Variants in EPHB1 observed in about 807,000 individuals in gnomAD.
EPHB1 encodes EPH receptor B1, also known as ephrin type-B receptor 1.
A neutral mutation model predicts 94.4 loss-of-function variants in EPHB1; 30 were observed. The observed-to-expected ratio is 0.32, with a 90% CI of 0.24 to 0.43. The LOEUF is 0.43. EPHB1 is among the 20% of genes least tolerant of loss of function. The pLI is 1.00. For missense variants in EPHB1, 1,055 were observed against 1,308.3 expected, an observed-to-expected ratio of 0.81 and a Z score of 2.99; for synonymous variants, 522 against 489.1, an observed-to-expected ratio of 1.07 and a Z score of -0.89.
At chr3:135,174,681 T>G (rs1222889757) in intron 9 of EPHB1, among the ~76,000 whole-genome samples, 2 of 152,190 alleles carry the variant, frequency 1.3e-5, no homozygotes, top group Non-Finnish European at 2.9e-5. Flanking sequence ...AAAGGGTTGA[T>G]CAACATACTG....
intron 13 of EPHB1, among the ~76,000 whole-genome samples, chr3:135,241,988 G>A (rs989942698): frequency 6.6e-6 from 1 of 152,164 alleles, no homozygotes; most frequent in African/African-American, 2.4e-5. Context: ...AGGAAGAGAT[G>A]GGTCATCTAA....
At chr3:135,037,953 C>CT (rs1157949367) in intron 3 of EPHB1, among the ~76,000 whole-genome samples, 2 of 152,200 alleles carry the variant, frequency 1.3e-5, no homozygotes, top group Non-Finnish European at 2.9e-5. Flanking sequence ...AGGCTCTACC[C>CT]TTTTCTTATC....
intron 6 of EPHB1, among the ~76,000 whole-genome samples, chr3:135,158,662 C>T (rs1190589037): frequency 6.6e-6 from 1 of 152,180 alleles, no homozygotes; most frequent in Admixed American, 6.5e-5. Context: ...TGCCATCAAG[C>T]TGATGACACT....
At chr3:135,201,375 G>A (rs1415565799) in intron 11 of EPHB1, 99 bp from the exon 12 acceptor site, 21 of 1,225,650 alleles carry the variant, frequency 1.7e-5, no homozygotes, top group Non-Finnish European at 2.4e-5. Context: ...TTGGCCTGGA[G>A]CAGACAGAAG....
intron 3 of EPHB1, among the ~76,000 whole-genome samples, chr3:135,086,268 G>A (rs532884752): frequency 1.3e-5 from 2 of 151,726 alleles, no homozygotes; most frequent in South Asian, 4.2e-4. Context: ...ACCTCTGACG[G>A]TGGGATGGAG....
intron 1 of EPHB1, among the ~76,000 whole-genome samples, chr3:134,906,324 A>G: frequency 6.6e-6 from 1 of 152,256 alleles, no homozygotes; most frequent in Middle Eastern, 3.4e-3. Flanking sequence ...TATAAATTTT[A>G]TTTAATTTTA....
chr3:134,911,538 T>C (rs1470697472), intron 1 of EPHB1, among the ~76,000 whole-genome samples: 5 of 152,206 alleles, frequency 3.3e-5, no homozygotes, highest in Middle Eastern at 3.4e-3. Flanking sequence ...GGGGCTGCAG[T>C]AGGCCAGCCT....
intron 3 of EPHB1, among the ~76,000 whole-genome samples, chr3:134,970,428 C>T (rs894466771): frequency 6.6e-6 from 1 of 152,224 alleles, no homozygotes; most frequent in African/African-American, 2.4e-5. Flanking sequence ...ACCCTGTCCA[C>T]TGCTCCCAGT....
intron 3 of EPHB1, among the ~76,000 whole-genome samples, chr3:135,071,431 C>T (rs574974326): frequency 2.2e-4 from 33 of 152,270 alleles, no homozygotes; most frequent in East Asian, 3.9e-4. Context: ...CAAAAACAAA[C>T]GTAGGAGTTG....
At chr3:135,146,452 A>C (rs1447087917) in intron 5 of EPHB1, among the ~76,000 whole-genome samples, 1 of 152,240 alleles carries the variant, frequency 6.6e-6, no homozygotes, top group African/African-American at 2.4e-5. Context: ...AGGCAGTGGC[A>C]GGGCCATGGG....
intron 3 of EPHB1, among the ~76,000 whole-genome samples, chr3:135,040,877 G>A (rs898040290): frequency 1.3e-5 from 2 of 152,196 alleles, no homozygotes; most frequent in African/African-American, 4.8e-5. Context: ...AAATCCGCCT[G>A]AATCCTCCTG....
intron 12 of EPHB1, among the ~76,000 whole-genome samples, chr3:135,215,822 C>T (rs943166111): frequency 5.9e-5 from 9 of 152,166 alleles, no homozygotes; most frequent in Non-Finnish European, 1.3e-4. Flanking sequence ...CTGCATGTCA[C>T]GTGAGTTCCC....
intron 5 of EPHB1, among the ~76,000 whole-genome samples, chr3:135,145,673 TG>T (rs1226274950): frequency 1.3e-5 from 2 of 152,168 alleles, no homozygotes; most frequent in Non-Finnish European, 2.9e-5. Flanking sequence ...CCCAGTGAGA[TG>T]GGGAGGGACC....
chr3:135,224,795 G>C (rs1312097165), intron 12 of EPHB1, among the ~76,000 whole-genome samples: 2 of 152,188 alleles, frequency 1.3e-5, no homozygotes, highest in East Asian at 1.9e-4. Context: ...CCATAATCCA[G>C]TCAAATGTTC....
At chr3:135,007,693 C>T (rs778353047) in intron 3 of EPHB1, among the ~76,000 whole-genome samples, 3 of 152,186 alleles carry the variant, frequency 2.0e-5, no homozygotes, top group Non-Finnish European at 2.9e-5. Context: ...TACATTTGTC[C>T]TGTATAAAGA....
intron 3 of EPHB1, among the ~76,000 whole-genome samples, chr3:135,047,046 G>A (rs754532203): frequency 2.6e-5 from 4 of 152,200 alleles, no homozygotes; most frequent in Non-Finnish European, 5.9e-5. Context: ...AGCTGAGGAG[G>A]ATAGTGTGTG....
intron 1 of EPHB1, among the ~76,000 whole-genome samples, chr3:134,830,500 C>T (rs2036562480): frequency 6.6e-6 from 1 of 151,826 alleles, no homozygotes; most frequent in African/African-American, 2.4e-5. Flanking sequence ...GGGAGTTTTG[C>T]AGGGAGCTTT....
intron 1 of EPHB1, among the ~76,000 whole-genome samples, chr3:134,921,157 C>T (rs1207369214): frequency 6.6e-6 from 1 of 152,142 alleles, no homozygotes; most frequent in Non-Finnish European, 1.5e-5. Flanking sequence ...TCTCCTTTTG[C>T]TCACTGTTTT....
chr3:135,008,622 C>G (rs1935509679), intron 3 of EPHB1, among the ~76,000 whole-genome samples: 1 of 152,240 alleles, frequency 6.6e-6, no homozygotes, highest in Non-Finnish European at 1.5e-5. Context: ...AATCTTCTCT[C>G]AGCAAAATGG....
Sources: gnomAD v4.1 joint callset for allele counts (sites outside exome capture counted in the v4.1 genomes callset) on GRCh38, gnomAD v4.1.1 for gene constraint, MANE v1.5 for transcripts, NCBI Gene and HGNC (gene_info 2026-07-23, HGNC 2026-07-21) for gene names.